The following TMEM260 variants were observed in gnomAD, a reference collection of about 807,000 sequenced individuals.
TMEM260 encodes the protein protein O-mannosyl-transferase TMEM260.
A neutral mutation model predicts 88.9 loss-of-function variants in TMEM260; 82 were observed. The observed-to-expected ratio is 0.92, with a 90% CI of 0.77 to 1.11. The LOEUF (loss-of-function observed/expected upper bound fraction) is 1.11. TMEM260 is among the 50% of genes least tolerant of loss of function. TMEM260 has a pLI of 0.00. For synonymous variants in TMEM260, 314 were observed against 309.3 expected, an observed-to-expected ratio of 1.02 and a Z score of -0.16; for missense variants, 902 against 853.4, an observed-to-expected ratio of 1.06 and a Z score of -0.71.
At chr14:56,630,755 T>C (rs551951304) in intron 12 of TMEM260, among the ~76,000 whole-genome samples, 5 of 152,320 alleles carry the variant, frequency 3.3e-5, no homozygotes, top group Admixed American at 3.3e-4. Context: ...TAATTTTGGA[T>C]TGTATCCTGG....
At position 56,648,847 on chromosome 14, in the gene TMEM260, A is replaced by G. The variant is rs1316388839; in HGVS notation, c.*1350A>G. The G allele has an allele frequency of 6.6e-6, 1 of 152,646 alleles. No individual in the cohort carries two copies. The highest frequency in any genetic ancestry group is 1.5e-5 in the Non-Finnish European group (1 of 68,044). The allele number at this position is 152,646 out of a possible 1,614,324, so 9.5% of individuals were successfully genotyped here. ...CTTTTGAGTGAAATGCCAGTCATGA[A>G]GGTGCTTCAAGACAAGGGTGCCTCT... On this transcript the variant is annotated 3_prime_UTR_variant, in exon 16 of 16. Coordinates refer to ENST00000261556, the MANE Select transcript of TMEM260 (RefSeq NM_017799.4).
rs143229882 is a variant in TMEM260 at position 56,609,302 on chromosome 14, A to C, written c.816+17A>C. On this transcript the variant is annotated intron_variant, in intron 6 of 15. Coordinates refer to ENST00000261556, the MANE Select transcript of TMEM260 (RefSeq NM_017799.4). ...TTCAGCCTGGTAAATTCAGATTTAA[A>C]GCCCTTCTAAGGAAACAAGTGGCAA... 202 of 1,611,146 alleles carry C rather than the reference A, an allele frequency of 1.3e-4. No homozygotes were observed. In the African/African-American group the frequency reaches 2.6e-3, roughly 21 times the overall value.
At chr14:56,653,755 A>AAAAAAGC (rs2139671068), downstream of TMEM260, among the ~76,000 whole-genome samples, 1 of 96,028 alleles carries the variant, frequency 1.0e-5, no homozygotes, top group East Asian at 3.5e-4. Context: ...AAAAAAAAAA[A>AAAAAAGC]CAGGACATCA....
intron 6 of TMEM260, among the ~76,000 whole-genome samples, chr14:56,611,746 C>T (rs1268905161): frequency 6.6e-6 from 1 of 152,102 alleles, no homozygotes; most frequent in African/African-American, 2.4e-5. Flanking sequence ...CACGTATGTT[C>T]ATCACAACAC....
chr14:56,632,099 A>G (rs985231780), intron 12 of TMEM260, among the ~76,000 whole-genome samples: 2 of 152,196 alleles, frequency 1.3e-5, no homozygotes, highest in African/African-American at 4.8e-5. Flanking sequence ...AGACCTGTGC[A>G]TGCTCAGCTC....
intron 12 of TMEM260, among the ~76,000 whole-genome samples, chr14:56,630,148 T>C (rs893991791): frequency 6.6e-6 from 1 of 152,202 alleles, no homozygotes; most frequent in African/African-American, 2.4e-5. Flanking sequence ...AGGTGAAATC[T>C]ATTGTTTTTC....
chr14:56,607,498 AGGGTAG>A (rs1038089334), intron 5 of TMEM260, among the ~76,000 whole-genome samples: 10 of 152,206 alleles, frequency 6.6e-5, no homozygotes, highest in African/African-American at 2.4e-4. Flanking sequence ...ATGAAGTAAC[AGGGTAG>A]TTGGATCTCA....
rs10782433 is a variant in TMEM260, at chr14:56,603,783, A to T, written c.345-32A>T. ...AAATAAAGTTAGTTCTTTTTGTTGG[A>T]AAAGAAGATTTCATGTTATCTGTGT... On this transcript the variant is annotated intron_variant, in intron 3 of 15. Coordinates refer to ENST00000261556, the MANE Select transcript of TMEM260 (RefSeq NM_017799.4). The T allele has an allele frequency of 8.7e-6, 14 of 1,612,862 alleles. No individual in the cohort carries two copies. In the South Asian group the frequency reaches 1.4e-4, roughly 16 times the overall value.
intron 4 of TMEM260, among the ~76,000 whole-genome samples, chr14:56,604,637 T>C (rs1886782205): frequency 1.3e-5 from 2 of 152,150 alleles, no homozygotes; most frequent in Non-Finnish European, 2.9e-5. Flanking sequence ...TGTGATGCTA[T>C]TAGAGGGGGT....
At position 56,649,154 on chromosome 14, in the gene TMEM260, G is replaced by A. The variant is rs959081854; in HGVS notation, c.*1657G>A. On this transcript the variant is annotated 3_prime_UTR_variant, in exon 16 of 16. Coordinates refer to ENST00000261556, the MANE Select transcript of TMEM260 (RefSeq NM_017799.4). ...CTGTTAGGAAGACAAATAAATGGAG[G>A]AGCTCATTAATCCGCTTTTGGCTCT... The A allele has an allele frequency of 6.6e-6, 1 of 152,590 alleles. No individual in the cohort carries two copies. Among genetic ancestry groups the A allele is most frequent in the Non-Finnish European group, 1.5e-5 (1 of 68,036 alleles). 9.5% of individuals were successfully genotyped at this position (152,590 alleles called of 1,614,324 possible). A position where few individuals can be genotyped will look rare whatever the true frequency, so the allele number is the denominator to read the frequency against.
intron 3 of TMEM260, among the ~76,000 whole-genome samples, chr14:56,589,989 T>C (rs1394446110): frequency 1.3e-5 from 2 of 152,184 alleles, no homozygotes; most frequent in East Asian, 3.9e-4. Context: ...TGTGAAGCTC[T>C]TCCTAATTTC....
At chr14:56,612,826 C>T (rs1386112487) in intron 7 of TMEM260, 1 of 152,010 alleles carries the variant, frequency 6.6e-6, no homozygotes, top group African/African-American at 2.4e-5. Flanking sequence ...TTAAAATGAG[C>T]AATAAACACA....
intron 15 of TMEM260, among the ~76,000 whole-genome samples, chr14:56,644,394 G>T (rs567320851): frequency 4.1e-4 from 63 of 152,280 alleles, no homozygotes; most frequent in Non-Finnish European, 7.1e-4. Context: ...ACAAAAACAA[G>T]CAATGGGGAA....
At position 56,579,846 on chromosome 14, in the gene TMEM260, C is replaced by G. The variant is rs2275026; in HGVS notation, c.-69C>G. On this transcript the variant is annotated 5_prime_UTR_variant, in exon 1 of 16. Transcript: ENST00000261556. ...CGCACAAGCTGCGCTCGTCTCTCGG[C>G]TGGGGAGCTCCGTGTCGCACCGGGT... 2.4e-4 allele frequency: 293 copies of G among 1,215,210 alleles called. 2 individuals carry two copies. The East Asian group carries it at 8.9e-3, about 37-fold the overall frequency. The allele number at this position is 1,215,210 out of a possible 1,614,324, so 75.3% of individuals were successfully genotyped here.
chr14:56,596,435 CACATAT>C lies in TMEM260; in HGVS notation c.345-7372_345-7367del, dbSNP rs1285878720. ...ATATATATATATATATACATACACA[CACATAT>C]ACATATATATAGAGAGATATATTTT... On this transcript the variant is annotated intron_variant, in intron 3 of 15. Coordinates refer to ENST00000261556, the MANE Select transcript of TMEM260 (RefSeq NM_017799.4). 4.8e-5 allele frequency among the ~76,000 whole-genome samples: 7 copies of C among 144,702 alleles called. No homozygotes were observed. The East Asian group carries it at 1.4e-3, about 29-fold the overall frequency. 94.9% of individuals were successfully genotyped at this position (144,702 alleles called of 152,430 possible). A position where few individuals can be genotyped will look rare whatever the true frequency, so the allele number is the denominator to read the frequency against.
chr14:56,637,139 G>A (rs1421828928), intron 15 of TMEM260, among the ~76,000 whole-genome samples: 2 of 152,224 alleles, frequency 1.3e-5, no homozygotes, highest in African/African-American at 4.8e-5. Flanking sequence ...AAGGAATGCA[G>A]TTATGCTGGC....
intron 12 of TMEM260, among the ~76,000 whole-genome samples, chr14:56,629,588 A>G (rs1330610640): frequency 6.6e-6 from 1 of 152,162 alleles, no homozygotes; most frequent in African/African-American, 2.4e-5. Flanking sequence ...CGTTCTGAGG[A>G]TATTCCTTAA....
At chr14:56,653,741 C>CA (rs370392374), downstream of TMEM260, among the ~76,000 whole-genome samples, 909 of 97,872 alleles carry the variant, frequency 9.3e-3, 23 homozygotes, top group African/African-American at 0.029. Flanking sequence ...GTCTCCAAAA[C>CA]AAAAAAAAAA....
chr14:56,599,189 T>A (rs1294940819), intron 3 of TMEM260, among the ~76,000 whole-genome samples: 1 of 152,218 alleles, frequency 6.6e-6, no homozygotes, highest in African/African-American at 2.4e-5. Flanking sequence ...CTATTCAGTC[T>A]AGGCCCCATG....
Sources: allele counts gnomAD v4.1 joint callset (sites outside exome capture counted in the v4.1 genomes callset), GRCh38; gene constraint gnomAD v4.1.1; transcripts MANE v1.5; gene names NCBI Gene and HGNC (gene_info 2026-07-23, HGNC 2026-07-21).